Variants in GSDME observed in about 807,000 individuals in gnomAD.
The protein encoded by GSDME is gasdermin E, also known as gasdermin-E.
GSDME carries 44 observed loss-of-function variants against 47.5 expected under a neutral mutation model. That is an observed-to-expected ratio of 0.93 (90% confidence interval 0.73 to 1.19). GSDME has a LOEUF of 1.19. Among genes scored for constraint, GSDME ranks in the 50% most tolerant of loss-of-function variants. GSDME has a pLI of 0.00. For synonymous variants in GSDME, 258 were observed against 252.8 expected (o/e 1.02, Z -0.20); for missense variants, 663 against 604.2 (o/e 1.10, Z -1.02).
upstream of GSDME, among the ~76,000 whole-genome samples, chr7:24,760,777 G>T (rs572217649): frequency 6.6e-6 from 1 of 152,222 alleles, no homozygotes; most frequent in South Asian, 2.1e-4. The surrounding 1 kb of genome is among the most constrained non-coding windows in gnomAD (Gnocchi z 4.2). Flanking sequence ...TTTTTAAACT[G>T]GAGACTGTAT....
Position 24,725,282 on chromosome 7 carries a change from C to T in GSDME, c.405-6064G>A, listed in dbSNP as rs550691320. Among the ~76,000 whole-genome samples the T allele has an allele frequency of 3.9e-4, 60 of 152,280 alleles. No individual in the cohort carries two copies. The highest frequency in any genetic ancestry group is 1.4e-3 in the African/African-American group (59 of 41,562). On this transcript the variant is annotated intron_variant, in intron 3 of 9. Transcript: ENST00000645220. This position sits in a 1 kb window ranked among gnomAD's most constrained non-coding sequence, Gnocchi z 5.1. ...TTGCATTAAATGACCCACACTCTAC[C>T]CAGCAGATGGCAGGGGCTCTGTAAA...
chr7:24,748,112 A>C (rs1201236255), intron 2 of GSDME, among the ~76,000 whole-genome samples: 3 of 148,800 alleles, frequency 2.0e-5, no homozygotes, highest in African/African-American at 4.9e-5. Flanking sequence ...ATGTTAAGTA[A>C]AAAAATAAGG....
rs1789483657 is a variant in GSDME at position 24,714,773 on chromosome 7, ACCT to A, written c.697+2478_697+2480del. ...AGCTGCGTCAGGGCAGGGTCTGGTC[ACCT>A]CCTGGGACAAACAGGAGGAAGCTCG... is the stretch of plus-strand genomic sequence containing the variant. On this transcript the variant is annotated intron_variant, in intron 5 of 9. Transcript: ENST00000645220. The surrounding 1 kb of genome is among the most constrained non-coding windows in gnomAD (Gnocchi z 5.0). Among the ~76,000 whole-genome samples, 1 of 152,172 alleles carries A rather than the reference ACCT, an allele frequency of 6.6e-6. No homozygotes were observed.
chr7:24,749,557 A>C lies in GSDME; in HGVS notation c.211+7T>G. On this transcript the variant is annotated splice_region_variant and intron_variant, in intron 2 of 9. Transcript: ENST00000645220. ...ACTAATTATAGAATATACCCAAGGA[A>C]ACATACCTGGACTCGGAAATTGGTC... 1 of 1,609,538 alleles carries C rather than the reference A, an allele frequency of 6.2e-7. No individual in the cohort carries two copies. Among genetic ancestry groups the C allele is most frequent in the Non-Finnish European group, 8.5e-7 (1 of 1,176,694 alleles).
the GSDME span, among the ~76,000 whole-genome samples, chr7:24,768,518 G>A: frequency 6.6e-6 from 1 of 152,092 alleles, no homozygotes; most frequent in African/African-American, 2.4e-5. The surrounding 1 kb of genome is among the most constrained non-coding windows in gnomAD (Gnocchi z 5.6). Flanking sequence ...TAGTCCTTGG[G>A]ACCCATTCAA....
Position 24,716,958 on chromosome 7 carries a change from C to G in GSDME, c.697+296G>C, listed in dbSNP as rs901128162. On this transcript the variant is annotated intron_variant, in intron 5 of 9. Coordinates refer to ENST00000645220, the MANE Select transcript of GSDME (RefSeq NM_001127453.2). This position sits in a 1 kb window ranked among gnomAD's most constrained non-coding sequence, Gnocchi z 4.5. ...ATGCCCAGTGTGTCTGATGCAGAGC[C>G]CAGGTTGATGCCCAGAGGACACAGC... is the stretch of plus-strand genomic sequence containing the variant. The G allele has an allele frequency of 3.4e-5, 15 of 436,224 alleles. No individual in the cohort carries two copies. The highest frequency in any genetic ancestry group is 2.9e-4 in the South Asian group (14 of 47,694). The allele number at this position is 436,224 out of a possible 1,614,324, so 27.0% of individuals were successfully genotyped here. A position where few individuals can be genotyped will look rare whatever the true frequency, so the allele number is the denominator to read the frequency against.
At chr7:24,719,698 C>G (rs1789703456) in intron 3 of GSDME, among the ~76,000 whole-genome samples, 1 of 152,006 alleles carries the variant, frequency 6.6e-6, no homozygotes, top group Admixed American at 6.6e-5. Context: ...GAGGCTGAGG[C>G]ACGAGAATCG....
rs1392516527 is a variant in GSDME, at chr7:24,702,846, A to G, written c.1184-13T>C. On this transcript the variant is annotated splice_polypyrimidine_tract_variant and intron_variant, in intron 8 of 9. Coordinates refer to ENST00000645220, the MANE Select transcript of GSDME (RefSeq NM_001127453.2). ...CTATCTGGCATTTCTGCAGGAGAGAAAAATCACAGTCACAGTCCAAAAAAA... is the reference window on the plus strand; with the variant it reads ...CTATCTGGCATTTCTGCAGGAGAGAGAAATCACAGTCACAGTCCAAAAAAA... 2.5e-6 allele frequency: 4 copies of G among 1,611,182 alleles called. No homozygotes were observed. The East Asian group carries it at 8.9e-5, about 36-fold the overall frequency.
chr7:24,765,406 A>C, the GSDME span, among the ~76,000 whole-genome samples: 1 of 152,214 alleles, frequency 6.6e-6, no homozygotes, highest in Non-Finnish European at 1.5e-5. Flanking sequence ...CTCCCTCCTT[A>C]GTATTTCAAG....
At chr7:24,702,381 G>A (rs779605307) in intron 9 of GSDME, 9 of 352,256 alleles carry the variant, frequency 2.6e-5, no homozygotes, top group Non-Finnish European at 4.4e-5. Flanking sequence ...CTGCTGCAGA[G>A]CTCAATCAAA....
the GSDME span, among the ~76,000 whole-genome samples, chr7:24,769,843 C>T: frequency 6.6e-6 from 1 of 152,104 alleles, no homozygotes; most frequent in Non-Finnish European, 1.5e-5. Flanking sequence ...AAATTATCAG[C>T]CCAGGAATTA....
At chr7:24,782,176 C>T in the GSDME span, among the ~76,000 whole-genome samples, 119 of 152,090 alleles carry the variant, frequency 7.8e-4, no homozygotes, top group African/African-American at 2.8e-3. Flanking sequence ...ATTAACTCGT[C>T]ATTTACGTTA....
At chr7:24,737,134 G>A (rs1790331763) in intron 3 of GSDME, among the ~76,000 whole-genome samples, 1 of 151,818 alleles carries the variant, frequency 6.6e-6, no homozygotes, top group African/African-American at 2.4e-5. Context: ...AAAGCTAGTG[G>A]AAGAAAAGAA....
the GSDME span, among the ~76,000 whole-genome samples, chr7:24,764,302 T>C: frequency 1.3e-5 from 2 of 152,232 alleles, no homozygotes; most frequent in African/African-American, 2.4e-5. The surrounding 1 kb of genome is among the most constrained non-coding windows in gnomAD (Gnocchi z 4.4). Context: ...ACCCTGCAAG[T>C]AGAGCTTCTG....
the GSDME span, among the ~76,000 whole-genome samples, chr7:24,789,107 T>C: frequency 6.6e-6 from 1 of 152,294 alleles, no homozygotes; most frequent in South Asian, 2.1e-4. Context: ...TGTAACACCA[T>C]TAATATATCA....
intron 3 of GSDME, among the ~76,000 whole-genome samples, chr7:24,743,010 G>A (rs1370930325): frequency 6.6e-6 from 1 of 152,154 alleles, no homozygotes; most frequent in African/African-American, 2.4e-5. Flanking sequence ...GACCAAAAGG[G>A]AACCCCTGGT....
the GSDME span, among the ~76,000 whole-genome samples, chr7:24,786,588 G>A: frequency 6.6e-6 from 1 of 152,180 alleles, no homozygotes; most frequent in Non-Finnish European, 1.5e-5. The surrounding 1 kb of genome is among the most constrained non-coding windows in gnomAD (Gnocchi z 5.5). Context: ...CTGTCATCTT[G>A]TCAATGACTG....
chr7:24,721,562 G>T lies in GSDME; in HGVS notation c.405-2344C>A, dbSNP rs1789788225. On this transcript the variant is annotated intron_variant, in intron 3 of 9. Transcript: ENST00000645220. The surrounding 1 kb of genome is among the most constrained non-coding windows in gnomAD (Gnocchi z 4.1). ...CCCCTCCTCATGGGGTTCCGTCAGG[G>T]TTTAGATGACATGCATGCAGTGAGC... 6.6e-6 allele frequency among the ~76,000 whole-genome samples: 1 copy of T among 152,194 alleles called. No homozygotes were observed. The highest frequency in any genetic ancestry group is 1.5e-5 in the Non-Finnish European group (1 of 68,034).
chr7:24,787,179 G>T, the GSDME span, among the ~76,000 whole-genome samples: 341 of 152,302 alleles, frequency 2.2e-3, 2 homozygotes, highest in Non-Finnish European at 3.3e-3. This position sits in a 1 kb window ranked among gnomAD's most constrained non-coding sequence, Gnocchi z 5.0. Context: ...GGGCAGCAGC[G>T]TTGTGGCTTA....
Sources: gnomAD v4.1 joint callset for allele counts (sites outside exome capture counted in the v4.1 genomes callset) on GRCh38, gnomAD v4.1.1 for gene constraint, Gnocchi (gnomAD v3.1) non-coding constraint, MANE v1.5 for transcripts, NCBI Gene and HGNC (gene_info 2026-07-23, HGNC 2026-07-21) for gene names.